Variants in EVC observed in about 807,000 individuals in gnomAD.
EVC encodes the protein EvC ciliary complex subunit 1.
A neutral mutation model predicts 118.9 loss-of-function variants in EVC; 116 were observed. The ratio of observed to expected loss-of-function variants is 0.98; its 90% CI spans 0.84 to 1.14. EVC has a LOEUF of 1.14. Ranked by LOEUF, EVC falls within the 50% of genes most tolerant of loss-of-function variation. EVC has a pLI of 0.00. For missense variants in EVC, 1,401 were observed against 1,246.4 expected, an observed-to-expected ratio of 1.12 and a Z score of -1.87; for synonymous variants, 619 against 534.7, an observed-to-expected ratio of 1.16 and a Z score of -2.18.
chr4:5,755,340 G>A lies in EVC; in HGVS notation c.1465-924G>A, dbSNP rs1560345950. ...GGAACGCCTCAGCGCTGGCGTTCAG[G>A]ACACGTGGGACGCAGGCAGGGAAGG... On this transcript the variant is annotated intron_variant, in intron 10 of 20. Transcript: ENST00000264956. This position sits in a 1 kb window ranked among gnomAD's most constrained non-coding sequence, Gnocchi z 4.1. Among the ~76,000 whole-genome samples, 1 of 152,174 alleles carries A rather than the reference G, an allele frequency of 6.6e-6. No individual in the cohort carries two copies. The highest frequency in any genetic ancestry group is 2.4e-5 in the African/African-American group (1 of 41,452).
intron 16 of EVC, among the ~76,000 whole-genome samples, chr4:5,803,602 G>A (rs1201312858): frequency 2.0e-5 from 3 of 152,138 alleles, no homozygotes. Flanking sequence ...TGATACCCCA[G>A]CTCTCATGCA....
intron 1 of EVC, among the ~76,000 whole-genome samples, chr4:5,714,119 C>G (rs906397395): frequency 2.0e-5 from 3 of 152,192 alleles, no homozygotes; most frequent in African/African-American, 7.2e-5. Context: ...TAGACTCTAT[C>G]CTGCTCAGCC....
intron 7 of EVC, 199 bp from the exon 8 acceptor site, chr4:5,747,949 C>A: frequency 1.6e-6 from 1 of 630,070 alleles, no homozygotes; most frequent in South Asian, 1.7e-5. Flanking sequence ...AACTGACTGA[C>A]ACTGGAACCA....
intron 2 of EVC, among the ~76,000 whole-genome samples, chr4:5,724,113 T>C (rs1725418154): frequency 6.6e-6 from 1 of 152,180 alleles, no homozygotes; most frequent in South Asian, 2.1e-4. Flanking sequence ...GGCATGATAA[T>C]AATAGTCCCC....
Position 5,719,432 on chromosome 4 carries a change from CT to C in EVC, c.300+60del. 6.2e-7 allele frequency: 1 copy of C among 1,612,316 alleles called. No individual in the cohort carries two copies. The highest frequency in any genetic ancestry group is 8.5e-7 in the Non-Finnish European group (1 of 1,179,446). ...ACATGTGGGAGGTGGGGTATTCCCC[CT>C]GGAAGCCGGGTGTCATGTAGACAAG... On this transcript the variant is annotated intron_variant, in intron 2 of 20. Transcript: ENST00000264956. The surrounding 1 kb of genome is among the most constrained non-coding windows in gnomAD (Gnocchi z 4.7).
the EVC span, among the ~76,000 whole-genome samples, chr4:5,827,403 G>T: frequency 1.3e-5 from 2 of 152,086 alleles, no homozygotes; most frequent in African/African-American, 4.8e-5. Context: ...TGTGCGACTT[G>T]GTGTCTTTGA....
Position 5,714,756 on chromosome 4 carries a change from A to G in EVC, c.174+3202A>G, listed in dbSNP as rs546884837. ...TGAATACCTTCTTTTCTTGCACAACATTTTGTTTTTCCTGAAATTAATAGC... is the reference window on the plus strand; with the variant it reads ...TGAATACCTTCTTTTCTTGCACAACGTTTTGTTTTTCCTGAAATTAATAGC... On this transcript the variant is annotated intron_variant, in intron 1 of 20. Transcript: ENST00000264956. Among the ~76,000 whole-genome samples, 4 of 152,006 alleles carry G rather than the reference A, an allele frequency of 2.6e-5. No homozygotes were observed. The South Asian group carries it at 6.3e-4, about 24-fold the overall frequency.
intron 11 of EVC, among the ~76,000 whole-genome samples, chr4:5,769,474 TC>T (rs199926652): frequency 7.9e-6 from 1 of 126,956 alleles, no homozygotes; most frequent in Non-Finnish European, 1.8e-5. Flanking sequence ...TTTTTCTGAA[TC>T]CCCCCTGTCT....
At chr4:5,726,519 G>A (rs1212100243) in intron 2 of EVC, among the ~76,000 whole-genome samples, 1 of 150,734 alleles carries the variant, frequency 6.6e-6, no homozygotes, top group African/African-American at 2.4e-5. Context: ...TGACAGTGGT[G>A]TGTTGTGCCA....
intron 8 of EVC, among the ~76,000 whole-genome samples, chr4:5,752,342 C>T (rs570136896): frequency 6.2e-4 from 95 of 152,162 alleles, no homozygotes; most frequent in African/African-American, 2.1e-3. Context: ...AATCTGACTG[C>T]GGGGAGTCGT....
At chr4:5,799,253 C>T (rs1004654849) in intron 15 of EVC, among the ~76,000 whole-genome samples, 1 of 152,202 alleles carries the variant, frequency 6.6e-6, no homozygotes, top group Non-Finnish European at 1.5e-5. Flanking sequence ...ATCAGTTCAG[C>T]TTGAGTAGAC....
At position 5,806,080 on chromosome 4, in the gene EVC, A is replaced by G. The variant is rs1443451155; in HGVS notation, c.2561+1239A>G. 2.2e-4 allele frequency among the ~76,000 whole-genome samples: 30 copies of G among 136,346 alleles called. No homozygotes were observed. In the East Asian group the frequency reaches 6.3e-3, roughly 29 times the overall value. The allele number at this position is 136,346 out of a possible 152,430, so 89.4% of individuals were successfully genotyped here. On this transcript the variant is annotated intron_variant, in intron 17 of 20. Transcript: ENST00000264956. ...CTGTGTCTCTGTTGTCCATCCTTCC[A>G]CTCTCTTTTTTTTTTTTGAGACAGA...
At chr4:5,745,150 C>A in intron 6 of EVC, 54 bp from the exon 7 acceptor site, 2 of 1,535,656 alleles carry the variant, frequency 1.3e-6, no homozygotes, top group Non-Finnish European at 1.8e-6. Context: ...GAATTTAAGA[C>A]ACGCTAAACT....
In EVC at chr4:5,756,404, CTG is replaced by C; in HGVS notation, c.1563+51_1563+52del. ...GGGACCAGCAGAGAAGCCCCAGGGT[CTG>C]TGTGTGTGCGAGAACCTCACATCCT... On this transcript the variant is annotated intron_variant, in intron 11 of 20. Transcript: ENST00000264956. This position sits in a 1 kb window ranked among gnomAD's most constrained non-coding sequence, Gnocchi z 4.2. 1 of 1,529,702 alleles carries C rather than the reference CTG, an allele frequency of 6.5e-7. No homozygotes were observed. 94.8% of individuals were successfully genotyped at this position (1,529,702 alleles called of 1,614,324 possible).
chr4:5,811,259 T>A lies in EVC; in HGVS notation c.*222T>A. On this transcript the variant is annotated 3_prime_UTR_variant, in exon 21 of 21. Transcript: ENST00000264956. ...CGTCTTGGAAACACGTCTCTGTGAG[T>A]TTGCATTTCATTTGGCTTGGAGCCC... The A allele has an allele frequency of 1.9e-6, 1 of 526,832 alleles. No individual in the cohort carries two copies. Among genetic ancestry groups the A allele is most frequent in the East Asian group, 3.3e-5 (1 of 29,916 alleles). The allele number at this position is 526,832 out of a possible 1,614,324, so 32.6% of individuals were successfully genotyped here.
At chr4:5,761,975 C>A (rs931481016) in intron 11 of EVC, among the ~76,000 whole-genome samples, 7 of 150,764 alleles carry the variant, frequency 4.6e-5, no homozygotes, top group East Asian at 2.0e-4. Context: ...ATATGTATAC[C>A]TGTGCCATGC....
At chr4:5,827,995 T>A in the EVC span, 1 of 974,770 alleles carries the variant, frequency 1.0e-6, no homozygotes, top group Non-Finnish European at 1.2e-6. Flanking sequence ...GGCAGAAACG[T>A]CAAGGGAGGA....
At position 5,812,594 on chromosome 4, in the gene EVC, T is replaced by G. The variant is rs1717100794; in HGVS notation, c.*1557T>G. 5.8e-6 allele frequency: 1 copy of G among 172,770 alleles called. No individual in the cohort carries two copies. Among genetic ancestry groups the G allele is most frequent in the Non-Finnish European group, 1.2e-5 (1 of 82,376 alleles). 10.7% of individuals were successfully genotyped at this position (172,770 alleles called of 1,614,324 possible). On this transcript the variant is annotated 3_prime_UTR_variant, in exon 21 of 21. Transcript: ENST00000264956. ...GGCCTTTCCCACCTGGAGAGAAACT[T>G]CCAGACCAGCCCCTCTCACCACAGC...
intron 2 of EVC, among the ~76,000 whole-genome samples, chr4:5,720,886 AC>A (rs5855897): frequency 0.5 from 75,253 of 151,944 alleles, 18,886 homozygotes; most frequent in Middle Eastern, 0.59. Flanking sequence ...ATATGAGTTA[AC>A]TTTACAGCAG....
Sources: allele counts gnomAD v4.1 joint callset (sites outside exome capture counted in the v4.1 genomes callset), GRCh38; gene constraint gnomAD v4.1.1; non-coding constraint Gnocchi (gnomAD v3.1); transcripts MANE v1.5; gene names NCBI Gene and HGNC (gene_info 2026-07-23, HGNC 2026-07-21).